The following BRD7 variants were observed in gnomAD, a reference collection of about 807,000 sequenced individuals.
The protein encoded by BRD7 is bromodomain containing 7.
BRD7 carries 15 observed loss-of-function variants against 82.1 expected under a neutral mutation model. The ratio of observed to expected loss-of-function variants is 0.18; its 90% confidence interval spans 0.12 to 0.28. The LOEUF is 0.28. Ranked by LOEUF, BRD7 falls within the 10% of genes least tolerant of loss-of-function variation. The probability of loss-of-function intolerance (pLI) is 1.00; values close to 1 mark genes in which losing one functional copy is unlikely to be tolerated. For missense variants in BRD7, 638 were observed against 779.9 expected (o/e 0.82, Z 2.17); for synonymous variants, 232 against 266.9 (o/e 0.87, Z 1.27).
chr16:50,330,090 A>C (rs982314731), intron 8 of BRD7, among the ~76,000 whole-genome samples: 13 of 152,198 alleles, frequency 8.5e-5, no homozygotes, highest in Non-Finnish European at 1.5e-4. Context: ...TTCCTCACAG[A>C]ATACCAAGAG....
intron 5 of BRD7, among the ~76,000 whole-genome samples, chr16:50,348,674 A>T (rs9673379): frequency 6.6e-5 from 10 of 152,210 alleles, no homozygotes; most frequent in African/African-American, 9.6e-5. Context: ...CATCACTGGC[A>T]GTCGGAGAAA....
At chr16:50,324,555 T>A (rs1567599907) in intron 11 of BRD7, among the ~76,000 whole-genome samples, 1 of 152,186 alleles carries the variant, frequency 6.6e-6, no homozygotes, top group Non-Finnish European at 1.5e-5. Context: ...TGTTCTCAAG[T>A]ATGTTGGGAA....
At chr16:50,354,345 G>T in intron 4 of BRD7, 80 bp downstream of exon 4, 1 of 1,210,716 alleles carries the variant, frequency 8.3e-7, no homozygotes, top group Non-Finnish European at 1.2e-6. Context: ...TATGTTTGGA[G>T]TTAGGCACAA....
intron 2 of BRD7, among the ~76,000 whole-genome samples, chr16:50,356,144 A>C (rs898088724): frequency 2.0e-5 from 3 of 152,226 alleles, no homozygotes; most frequent in African/African-American, 7.2e-5. Context: ...CATTTGTCTG[A>C]AATGTCAAGT....
chr16:50,336,633 G>A (rs756887330), intron 6 of BRD7, among the ~76,000 whole-genome samples: 2 of 151,978 alleles, frequency 1.3e-5, no homozygotes, highest in African/African-American at 2.4e-5. Flanking sequence ...TTAAAAACAC[G>A]TTTTATTTTG....
At position 50,316,781 on chromosome 16, in the gene BRD7, G is replaced by A. The variant is rs1434057172; in HGVS notation, c.*2430C>T. ...GGTGAGAAATGACCAAACTGCCCGT[G>A]ACTTTTTCTGAATGGACTTCATAAC... On this transcript the variant is annotated 3_prime_UTR_variant, in exon 17 of 17. Coordinates refer to ENST00000394688, the MANE Select transcript of BRD7 (RefSeq NM_013263.5). 2 of 152,394 alleles carry A rather than the reference G, an allele frequency of 1.3e-5. No homozygotes were observed. The highest frequency in any genetic ancestry group is 1.3e-4 in the Admixed American group (2 of 15,286). The allele number at this position is 152,394 out of a possible 1,614,324, so 9.4% of individuals were successfully genotyped here.
intron 5 of BRD7, among the ~76,000 whole-genome samples, chr16:50,341,033 C>A (rs767335486): frequency 6.6e-6 from 1 of 152,052 alleles, no homozygotes; most frequent in African/African-American, 2.4e-5. Flanking sequence ...TGTACAAGTA[C>A]GTAAGACTGA....
chr16:50,359,459 T>C (rs1212973057), intron 2 of BRD7, among the ~76,000 whole-genome samples: 1 of 152,308 alleles, frequency 6.6e-6, no homozygotes, highest in East Asian at 1.9e-4. Context: ...CACTCATTCA[T>C]TCAATAAATA....
intron 6 of BRD7, among the ~76,000 whole-genome samples, chr16:50,339,652 A>G (rs1266087512): frequency 1.3e-5 from 2 of 152,206 alleles, no homozygotes; most frequent in East Asian, 1.9e-4. Context: ...GCAAACAGAG[A>G]GCTTTCCTCT....
intron 12 of BRD7, among the ~76,000 whole-genome samples, chr16:50,322,931 T>C (rs2037180778): frequency 6.6e-6 from 1 of 152,174 alleles, no homozygotes; most frequent in African/African-American, 2.4e-5. Flanking sequence ...CCAGCAACCA[T>C]ATGTGCAGTT....
rs200794313 is a variant in BRD7 at position 50,323,646 on chromosome 16, T to C, written c.1384A>G (p.Ser462Gly). Residue 462 changes from serine to glycine, a missense_variant, in exon 12 of 17, where the codon AGT (serine) becomes GGT (glycine). This residue lies in a region of BRD7 where 402 missense variants were observed against 500.8 expected (regional missense o/e 0.80). Coordinates refer to ENST00000394688, the MANE Select transcript of BRD7 (RefSeq NM_013263.5). ...CQDYPYVMAD[S>G]LLDVLTKGGH... is the part of the protein sequence containing the mutation. ...CCTTTTGTTAAAACATCCAGTAAAC[T>C]ATCTGCCATGACATACGGATAATCT... 69 of 1,613,766 alleles carry C rather than the reference T, an allele frequency of 4.3e-5. No homozygotes were observed. The highest frequency in any genetic ancestry group is 5.8e-5 in the Non-Finnish European group (68 of 1,179,780).
Position 50,368,301 on chromosome 16 carries a change from TAAAA to T in BRD7, c.50-7_50-4del. On this transcript the variant is annotated splice_polypyrimidine_tract_variant and splice_region_variant and intron_variant, in intron 1 of 16. Coordinates refer to ENST00000394688, the MANE Select transcript of BRD7 (RefSeq NM_013263.5). Reference sequence around the variant, plus strand: ...CTTCAAGGGCTTCTCTACATACTCTTAAAAAAAGAAAAGAAAAGAAAGGAAAGCG... The same window carrying T: ...CTTCAAGGGCTTCTCTACATACTCTTAAAGAAAAGAAAAGAAAGGAAAGCG... 1 of 1,609,800 alleles carries T rather than the reference TAAAA, an allele frequency of 6.2e-7. No individual in the cohort carries two copies. Among genetic ancestry groups the T allele is most frequent in the Non-Finnish European group, 8.5e-7 (1 of 1,178,794 alleles).
At chr16:50,341,687 C>T (rs139176595) in intron 5 of BRD7, among the ~76,000 whole-genome samples, 142 of 148,324 alleles carry the variant, frequency 9.6e-4, no homozygotes, top group Non-Finnish European at 1.8e-3. Context: ...GGGGATGGGA[C>T]GCAAGTGAAC....
intron 1 of BRD7, 179 bp downstream of exon 1, chr16:50,368,547 G>A (rs1432491456): frequency 6.0e-5 from 44 of 728,164 alleles, no homozygotes; most frequent in South Asian, 3.2e-4. Context: ...GGGGACCCGG[G>A]TTCGAATGCC....
At chr16:50,332,782 C>G (rs2037624289) in intron 8 of BRD7, among the ~76,000 whole-genome samples, 1 of 152,112 alleles carries the variant, frequency 6.6e-6, no homozygotes, top group Admixed American at 6.6e-5. Flanking sequence ...ACACACACAC[C>G]ATGGAATACT....
Position 50,330,241 on chromosome 16 carries a change from C to G in BRD7, c.1012-1497G>C, listed in dbSNP as rs890111060. 1.2e-4 allele frequency among the ~76,000 whole-genome samples: 19 copies of G among 152,062 alleles called. 1 individual carries two copies. Among genetic ancestry groups the G allele is most frequent in the Admixed American group, 9.2e-4 (14 of 15,278 alleles). Reference sequence around the variant, plus strand: ...CCTGCCTTCCAGTAAGTATTAGGCCCTAAAAACTGCATGCTTTCTTGGCCC... The same window carrying G: ...CCTGCCTTCCAGTAAGTATTAGGCCGTAAAAACTGCATGCTTTCTTGGCCC... On this transcript the variant is annotated intron_variant, in intron 8 of 16. Coordinates refer to ENST00000394688, the MANE Select transcript of BRD7 (RefSeq NM_013263.5).
intron 5 of BRD7, among the ~76,000 whole-genome samples, chr16:50,347,258 T>G (rs1423510419): frequency 6.6e-6 from 1 of 152,166 alleles, no homozygotes; most frequent in African/African-American, 2.4e-5. Context: ...ATAGGACATA[T>G]CTCAAAATAA....
chr16:50,348,911 T>C (rs536423348), intron 5 of BRD7: 2 of 152,384 alleles, frequency 1.3e-5, no homozygotes, highest in South Asian at 4.1e-4. Context: ...ACTGGGTATA[T>C]ACCCAAAGGA....
chr16:50,348,212 A>G (rs572878622), intron 5 of BRD7, among the ~76,000 whole-genome samples: 13 of 152,380 alleles, frequency 8.5e-5, no homozygotes, highest in Admixed American at 3.3e-4. Context: ...AGCCATATGT[A>G]GAAAGCTGAA....
Sources: gnomAD v4.1 joint callset for allele counts (sites outside exome capture counted in the v4.1 genomes callset) on GRCh38, gnomAD v4.1.1 for gene constraint, gnomAD v4.1.1 regional missense constraint, MANE v1.5 for transcripts, NCBI Gene and HGNC (gene_info 2026-07-23, HGNC 2026-07-21) for gene names.